Variants in PHC3 observed in about 807,000 individuals in gnomAD.
PHC3 encodes the protein polyhomeotic-like protein 3.
Under a neutral mutation model 107.4 loss-of-function variants are expected in PHC3, and 13 were observed. The ratio of observed to expected loss-of-function variants is 0.12; its 90% CI spans 0.08 to 0.19. The LOEUF is 0.19. Ranked by LOEUF, PHC3 falls within the 10% of genes least tolerant of loss-of-function variation. PHC3 has a pLI of 1.00. For synonymous variants in PHC3, 456 were observed against 427.4 expected (o/e 1.07, Z -0.83); for missense variants, 992 against 1,210.9 (o/e 0.82, Z 2.68).
chr3:170,107,729 T>C (rs1001795056), intron 11 of PHC3, among the ~76,000 whole-genome samples: 2 of 152,200 alleles, frequency 1.3e-5, no homozygotes, highest in Admixed American at 6.5e-5. Flanking sequence ...TTTTTCATCA[T>C]GCTTTTCTTT....
rs768532987 is a variant in PHC3 at position 170,178,851 on chromosome 3, G to T, written c.102C>A (p.Thr34=). 2 of 1,613,954 alleles carry T rather than the reference G, an allele frequency of 1.2e-6. No individual in the cohort carries two copies. Among genetic ancestry groups the T allele is most frequent in the East Asian group, 4.5e-5 (2 of 44,884 alleles). Residue 34 remains threonine, a synonymous_variant, in exon 2 of 15, where the codon ACC becomes ACA. Transcript: ENST00000495893. ...TTCGAGAGGAGGAAGTGGTGATGGT[G>T]GTGGTGGTGGTACTGCTGGTTGTTG... is the stretch of plus-strand genomic sequence containing the variant. ...VSTTTSSTTT[T]TITTSSSRMQ... is the part of the protein sequence containing the mutation.
chr3:170,097,841 G>A lies in PHC3; in HGVS notation c.2834-457C>T, dbSNP rs1002238929. ...TAACAATCTAGAAATATTTTCTCAA[G>A]TAAGTACCACTTTCATTATCATTTG... On this transcript the variant is annotated intron_variant, in intron 14 of 14. Transcript: ENST00000495893. This position sits in a 1 kb window ranked among gnomAD's most constrained non-coding sequence, Gnocchi z 4.1. 6.6e-6 allele frequency among the ~76,000 whole-genome samples: 1 copy of A among 152,082 alleles called. No homozygotes were observed. Among genetic ancestry groups the A allele is most frequent in the African/African-American group, 2.4e-5 (1 of 41,396 alleles).
chr3:170,157,442 T>C lies in PHC3; in HGVS notation c.415-8198A>G, dbSNP rs1727068279. Among the ~76,000 whole-genome samples the C allele has an allele frequency of 3.3e-5, 5 of 152,360 alleles. No homozygotes were observed. The South Asian group carries it at 8.3e-4, about 25-fold the overall frequency. On this transcript the variant is annotated intron_variant, in intron 4 of 14. Transcript: ENST00000495893. ...TTACTTTTTCTGTACTGTTGGAATA[T>C]TTTACAAAAATGCAGTAAAGCTGCT... is the stretch of plus-strand genomic sequence containing the variant.
In PHC3 at chr3:170,097,325, A is replaced by G. The variant is rs759012489; in HGVS notation, c.2893T>C (p.Leu965=). The change falls in exon 15 of 15, where the codon TTG becomes CTG. Residue 965 remains leucine, a synonymous_variant. Coordinates refer to ENST00000495893, the MANE Select transcript of PHC3 (RefSeq NM_024947.4). This position sits in a 1 kb window ranked among gnomAD's most constrained non-coding sequence, Gnocchi z 4.1. ...CTCATGAGATGGTCTTCTTTCAGCAAGAGAAGGGCCTGTCCATCAATCTCC... is the reference window on the plus strand; with the variant it reads ...CTCATGAGATGGTCTTCTTTCAGCAGGAGAAGGGCCTGTCCATCAATCTCC... ...AQEIDGQALL[L]LKEDHLMSAM... 2.5e-6 allele frequency: 4 copies of G among 1,613,610 alleles called. No homozygotes were observed. The highest frequency in any genetic ancestry group is 2.2e-5 in the South Asian group (2 of 91,046).
At chr3:170,141,838 A>G (rs1724169840) in intron 6 of PHC3, among the ~76,000 whole-genome samples, 1 of 152,276 alleles carries the variant, frequency 6.6e-6, no homozygotes, top group East Asian at 1.9e-4. Flanking sequence ...TCCTGAGCTC[A>G]AGCAATCCAC....
chr3:170,098,604 A>C (rs1714964360), intron 14 of PHC3, among the ~76,000 whole-genome samples: 1 of 151,976 alleles, frequency 6.6e-6, no homozygotes. Context: ...GAATTAGTGA[A>C]TACACAATAA....
intron 11 of PHC3, among the ~76,000 whole-genome samples, chr3:170,109,142 A>T (rs2108311960): frequency 6.6e-6 from 1 of 152,302 alleles, no homozygotes; most frequent in Middle Eastern, 3.4e-3. Flanking sequence ...ACACTTTTTT[A>T]AAACTGCTGA....
rs753413904 is a variant in PHC3 at position 170,128,906 on chromosome 3, TGGA to T, written c.1563_1565del (p.Pro522del). 2.5e-6 allele frequency: 4 copies of T among 1,614,030 alleles called. No individual in the cohort carries two copies. Among genetic ancestry groups the T allele is most frequent in the East Asian group, 2.2e-5 (1 of 44,888 alleles). On this transcript the variant is annotated inframe_deletion, in exon 8 of 15. Coordinates refer to ENST00000495893, the MANE Select transcript of PHC3 (RefSeq NM_024947.4). ...GCAAGGGCAGTGGTGGAATCTGAGC[TGGA>T]GGAGATGTCGACATCTGTGGAGGAC...
At chr3:170,125,875 C>G in intron 8 of PHC3, 2 of 515,584 alleles carry the variant, frequency 3.9e-6, no homozygotes, top group Non-Finnish European at 5.0e-6. Context: ...TGCTCACTCA[C>G]AAGATCATTA....
chr3:170,126,138 T>A (rs1251905187), intron 8 of PHC3: 1 of 193,702 alleles, frequency 5.2e-6, no homozygotes, highest in Non-Finnish European at 9.4e-6. Flanking sequence ...TTCACCCTTA[T>A]CTTTCAAATT....
chr3:170,145,403 A>G lies in PHC3; in HGVS notation c.672+20T>C. 2 of 1,594,252 alleles carry G rather than the reference A, an allele frequency of 1.3e-6. No homozygotes were observed. The highest frequency in any genetic ancestry group is 3.4e-5 in the Admixed American group (2 of 58,490). On this transcript the variant is annotated intron_variant, in intron 6 of 14. Coordinates refer to ENST00000495893, the MANE Select transcript of PHC3 (RefSeq NM_024947.4). ...AGATCCAGATCTCAAGTAACACATT[A>G]TGAAGCTAGACAAGCTCACCTGAGT...
chr3:170,098,685 G>A lies in PHC3; in HGVS notation c.2834-1301C>T, dbSNP rs557743233. On this transcript the variant is annotated intron_variant, in intron 14 of 14. Transcript: ENST00000495893. Reference sequence around the variant, plus strand: ...CAAACATTTTTTCCTGTGTACAGCTGTGTGTCCATTTTTTCTCTTGCTTAT... The same window carrying A: ...CAAACATTTTTTCCTGTGTACAGCTATGTGTCCATTTTTTCTCTTGCTTAT... Among the ~76,000 whole-genome samples, 86 of 152,078 alleles carry A rather than the reference G, an allele frequency of 5.7e-4. 1 individual carries two copies. The highest frequency in any genetic ancestry group is 2.0e-3 in the African/African-American group (83 of 41,534).
chr3:170,123,995 G>A (rs1008213910), intron 8 of PHC3, among the ~76,000 whole-genome samples: 3 of 151,496 alleles, frequency 2.0e-5, no homozygotes, highest in South Asian at 2.1e-4. Flanking sequence ...CTACAGGCGC[G>A]TGCCACCATG....
At position 170,128,909 on chromosome 3, in the gene PHC3, A is replaced by G. The variant is rs951511981; in HGVS notation, c.1563T>C (p.Pro521=). The G allele has an allele frequency of 5.0e-6, 8 of 1,614,044 alleles. No homozygotes were observed. The highest frequency in any genetic ancestry group is 6.8e-6 in the Non-Finnish European group (8 of 1,179,890). The change falls in exon 8 of 15, where the codon CCT becomes CCC. Residue 521 remains proline, a synonymous_variant. Transcript: ENST00000495893. The part of the protein sequence containing the change: ...IASPPQMSTS[P]PAQIPPLPLQ... ...AGGGCAGTGGTGGAATCTGAGCTGG[A>G]GGAGATGTCGACATCTGTGGAGGAC...
intron 4 of PHC3, chr3:170,170,527 G>A (rs544772057): frequency 6.6e-6 from 1 of 151,898 alleles, no homozygotes; most frequent in East Asian, 1.9e-4. Flanking sequence ...CTGTATCAAT[G>A]TTATATTTCC....
At chr3:170,139,901 T>C (rs1577124572) in intron 6 of PHC3, among the ~76,000 whole-genome samples, 2 of 152,312 alleles carry the variant, frequency 1.3e-5, no homozygotes, top group South Asian at 2.1e-4. Context: ...CCCACATTCA[T>C]TTCATCTGAA....
intron 2 of PHC3, among the ~76,000 whole-genome samples, chr3:170,175,623 G>GAA (rs1243372877): frequency 1.8e-5 from 2 of 109,786 alleles, no homozygotes; most frequent in African/African-American, 3.5e-5. Context: ...AGGGAGAGAA[G>GAA]AAAAAAAAAA....
intron 5 of PHC3, chr3:170,148,073 A>T (rs1285321482): frequency 6.6e-6 from 1 of 152,222 alleles, no homozygotes; most frequent in African/African-American, 2.4e-5. Context: ...GTTTGAGACC[A>T]GCCAGGCCAA....
intron 11 of PHC3, among the ~76,000 whole-genome samples, chr3:170,110,499 T>C (rs111375513): frequency 0.012 from 1,820 of 152,300 alleles, 34 homozygotes; most frequent in African/African-American, 0.041. Flanking sequence ...ACTTCAAATC[T>C]CATTTTTATA....
Sources: gnomAD v4.1 joint callset for allele counts (sites outside exome capture counted in the v4.1 genomes callset) on GRCh38, gnomAD v4.1.1 for gene constraint, Gnocchi (gnomAD v3.1) non-coding constraint, MANE v1.5 for transcripts, NCBI Gene and HGNC (gene_info 2026-07-23, HGNC 2026-07-21) for gene names.